Variants in FAM171B observed in about 807,000 individuals in gnomAD.
The protein encoded by FAM171B is family with sequence similarity 171 member B.
FAM171B carries 19 observed loss-of-function variants against 75.6 expected under a neutral mutation model. The ratio of observed to expected loss-of-function variants is 0.25; its 90% confidence interval spans 0.18 to 0.37. The LOEUF (loss-of-function observed/expected upper bound fraction) is 0.37, where lower values mean the gene tolerates loss of function less well. Among genes scored for constraint, FAM171B ranks in the 10% least tolerant of loss-of-function variants. The pLI is 1.00. For missense variants in FAM171B, 848 were observed against 982.4 expected, an observed-to-expected ratio of 0.86 and a Z score of 1.83; for synonymous variants, 367 against 361.7, an observed-to-expected ratio of 1.01 and a Z score of -0.17.
intron 1 of FAM171B, among the ~76,000 whole-genome samples, chr2:186,698,103 G>A (rs1432482492): frequency 1.3e-5 from 2 of 152,164 alleles, no homozygotes; most frequent in African/African-American, 4.8e-5. Flanking sequence ...TAATCTGGGA[G>A]CTAGTGGTAG....
chr2:186,712,747 A>G (rs1384820869), intron 1 of FAM171B, among the ~76,000 whole-genome samples: 3 of 152,082 alleles, frequency 2.0e-5, no homozygotes, highest in African/African-American at 7.2e-5. Context: ...CCATGATGAT[A>G]ATCTTATGCC....
intron 1 of FAM171B, among the ~76,000 whole-genome samples, chr2:186,736,522 T>C (rs1347258923): frequency 7.3e-6 from 1 of 137,036 alleles, no homozygotes; most frequent in African/African-American, 2.7e-5. Context: ...GGAGGTATAC[T>C]GAAATATGTT....
At chr2:186,744,758 C>G (rs1010173569) in intron 3 of FAM171B, among the ~76,000 whole-genome samples, 4 of 151,122 alleles carry the variant, frequency 2.6e-5, no homozygotes, top group Non-Finnish European at 5.9e-5. Flanking sequence ...AACTCCTGAC[C>G]TCTGGTGATC....
intron 1 of FAM171B, among the ~76,000 whole-genome samples, chr2:186,736,538 C>CTGTGTATGTGTG (rs1690201492): frequency 8.1e-6 from 1 of 122,944 alleles, no homozygotes; most frequent in Admixed American, 8.5e-5. Flanking sequence ...ATGTTTGTGG[C>CTGTGTATGTGTG]TGTGTGTGTG....
intron 1 of FAM171B, among the ~76,000 whole-genome samples, chr2:186,700,828 C>A (rs1035886151): frequency 5.3e-5 from 8 of 152,130 alleles, no homozygotes; most frequent in Admixed American, 5.2e-4. Context: ...GTAGCAGGAA[C>A]TTACCTCTCT....
intron 1 of FAM171B, among the ~76,000 whole-genome samples, chr2:186,710,026 G>A (rs1314559992): frequency 6.6e-6 from 1 of 152,180 alleles, no homozygotes; most frequent in Non-Finnish European, 1.5e-5. Flanking sequence ...TACTGAAGCA[G>A]AAGAAAGGGC....
At chr2:186,718,077 G>A (rs925308172) in intron 1 of FAM171B, among the ~76,000 whole-genome samples, 1 of 152,070 alleles carries the variant, frequency 6.6e-6, no homozygotes, top group African/African-American at 2.4e-5. Flanking sequence ...TCTCAATATT[G>A]TGTCATTTGC....
intron 1 of FAM171B, among the ~76,000 whole-genome samples, chr2:186,735,621 C>G (rs568626815): frequency 6.6e-6 from 1 of 152,220 alleles, no homozygotes; most frequent in South Asian, 2.1e-4. Context: ...GCTAGCCCAG[C>G]CTTAGCCCAG....
chr2:186,720,957 C>T (rs1394060042), intron 1 of FAM171B, among the ~76,000 whole-genome samples: 1 of 152,042 alleles, frequency 6.6e-6, no homozygotes, highest in Non-Finnish European at 1.5e-5. Flanking sequence ...GTGCTTGTGC[C>T]TCTAGGGGTA....
chr2:186,752,672 A>G (rs1435363581), intron 5 of FAM171B, among the ~76,000 whole-genome samples: 1 of 152,216 alleles, frequency 6.6e-6, no homozygotes, highest in African/African-American at 2.4e-5. Flanking sequence ...TTTCAGTGAC[A>G]ACATTTTTTG....
Position 186,751,571 on chromosome 2 carries a change from A to G in FAM171B, c.895+267A>G, listed in dbSNP as rs190871077. Reference sequence around the variant, plus strand: ...CATTTTGAGGTAGAAATAATTTTTTAAAATTATCTCTCTTCTTAGAAGTTT... The same window carrying G: ...CATTTTGAGGTAGAAATAATTTTTTGAAATTATCTCTCTTCTTAGAAGTTT... On this transcript the variant is annotated intron_variant, in intron 5 of 7. Coordinates refer to ENST00000304698, the MANE Select transcript of FAM171B (RefSeq NM_177454.4). 5.3e-4 allele frequency among the ~76,000 whole-genome samples: 81 copies of G among 152,250 alleles called. 1 individual carries two copies. The highest frequency in any genetic ancestry group is 1.8e-3 in the African/African-American group (76 of 41,556).
chr2:186,734,305 A>C (rs928030548), intron 1 of FAM171B, among the ~76,000 whole-genome samples: 1 of 151,500 alleles, frequency 6.6e-6, no homozygotes, highest in African/African-American at 2.4e-5. Context: ...AGCAGAGAGG[A>C]GACCCAGAGC....
At position 186,747,183 on chromosome 2, in the gene FAM171B, A is replaced by G; in HGVS notation, c.657A>G (p.Thr219=). 6.2e-7 allele frequency: 1 copy of G among 1,609,122 alleles called. No individual in the cohort carries two copies. The highest frequency in any genetic ancestry group is 8.5e-7 in the Non-Finnish European group (1 of 1,178,112). ...TTAGCAACGTTACTGGCTATCTTAC[A>G]GTTCTACAACAGTTTTTGAAAGTGG... The part of the protein sequence containing the change: ...HHISNVTGYL[T]VLQQFLKVDN... Residue 219 remains threonine, a synonymous_variant, in exon 4 of 8, where the codon ACA becomes ACG. Coordinates refer to ENST00000304698, the MANE Select transcript of FAM171B (RefSeq NM_177454.4).
intron 6 of FAM171B, among the ~76,000 whole-genome samples, chr2:186,756,513 G>A (rs1446291934): frequency 6.6e-6 from 1 of 152,166 alleles, no homozygotes; most frequent in Admixed American, 6.5e-5. Context: ...TTCACAGTCT[G>A]GAGGCTACTG....
chr2:186,744,884 G>C lies in FAM171B; in HGVS notation c.565+1309G>C, dbSNP rs12611484. ...CTGGCTCTGTCACCCAGGTTGGAGTGCAGTGGTGCAATCTCGGCTCACTGC... is the reference window on the plus strand; with the variant it reads ...CTGGCTCTGTCACCCAGGTTGGAGTCCAGTGGTGCAATCTCGGCTCACTGC... On this transcript the variant is annotated intron_variant, in intron 3 of 7. Coordinates refer to ENST00000304698, the MANE Select transcript of FAM171B (RefSeq NM_177454.4). 1.5e-3 allele frequency among the ~76,000 whole-genome samples: 223 copies of C among 146,084 alleles called. 1 individual carries two copies. The East Asian group carries it at 0.03, about 20-fold the overall frequency.
rs571649686 is a variant in FAM171B, at chr2:186,730,808, A to C, written c.239-9420A>C. Among the ~76,000 whole-genome samples the C allele has an allele frequency of 2.6e-5, 4 of 152,296 alleles. No homozygotes were observed. The East Asian group carries it at 7.7e-4, about 29-fold the overall frequency. ...GTCTTATTTTGGCAACTGTACTTTT[A>C]CAAGGATGAAACAGATGGAATATGC... On this transcript the variant is annotated intron_variant, in intron 1 of 7. Transcript: ENST00000304698.
In FAM171B at chr2:186,762,275, C is replaced by T. The variant is rs751726240; in HGVS notation, c.1933C>T (p.Pro645Ser). 1 of 1,613,672 alleles carries T rather than the reference C, an allele frequency of 6.2e-7. No individual in the cohort carries two copies. Among genetic ancestry groups the T allele is most frequent in the Non-Finnish European group, 8.5e-7 (1 of 1,179,760 alleles). The part of the protein sequence containing the change: ...GTLNEAVVMT[P>S]FSSELQGISE... ...ACTAAATGAGGCTGTTGTAATGACT[C>T]CATTTTCATCGGAACTTCAAGGAAT... The change falls in exon 8 of 8, where the codon CCA becomes TCA. Residue 645 changes from proline to serine, a missense_variant. Pro to Ser is a moderately conservative substitution (Grantham distance 74, BLOSUM62 -1). Transcript: ENST00000304698. This position sits in a 1 kb window ranked among gnomAD's most constrained non-coding sequence, Gnocchi z 4.0.
chr2:186,710,735 T>C (rs1689799650), intron 1 of FAM171B, among the ~76,000 whole-genome samples: 1 of 152,222 alleles, frequency 6.6e-6, no homozygotes, highest in African/African-American at 2.4e-5. Context: ...GAAGTTTCCA[T>C]GAGGCTTCTA....
At chr2:186,748,858 A>G (rs972831655) in intron 4 of FAM171B, among the ~76,000 whole-genome samples, 8 of 152,138 alleles carry the variant, frequency 5.3e-5, no homozygotes, top group African/African-American at 1.9e-4. Context: ...TGTAAATAAA[A>G]GCATTTACTA....
Sources: gnomAD v4.1 joint callset for allele counts (sites outside exome capture counted in the v4.1 genomes callset) on GRCh38, gnomAD v4.1.1 for gene constraint, Gnocchi (gnomAD v3.1) non-coding constraint, MANE v1.5 for transcripts, NCBI Gene and HGNC (gene_info 2026-07-23, HGNC 2026-07-21) for gene names.